EGF: variants seen among roughly 807,000 people sequenced by gnomAD.
EGF encodes the protein epidermal growth factor.
A neutral mutation model predicts 143.8 loss-of-function variants in EGF; 95 were observed. The ratio of observed to expected loss-of-function variants is 0.66; its 90% CI spans 0.56 to 0.78. The LOEUF (loss-of-function observed/expected upper bound fraction) is 0.78, where lower values mean the gene tolerates loss of function less well. EGF is among the 30% of genes least tolerant of loss of function. The probability of loss-of-function intolerance (pLI) is 0.00; values close to 1 mark genes in which losing one functional copy is unlikely to be tolerated. For missense variants in EGF, 1,320 were observed against 1,470.9 expected (o/e 0.90, Z 1.68); for synonymous variants, 510 against 510.5 (o/e 1.00, Z 0.01).
At chr4:109,914,732 A>T (rs1736307416) in intron 1 of EGF, among the ~76,000 whole-genome samples, 1 of 152,220 alleles carries the variant, frequency 6.6e-6, no homozygotes, top group Non-Finnish European at 1.5e-5. Flanking sequence ...CCTAGAGAAC[A>T]GCAACAAAAA....
At chr4:109,974,075 A>C (rs1748092385) in intron 11 of EGF, among the ~76,000 whole-genome samples, 1 of 152,230 alleles carries the variant, frequency 6.6e-6, no homozygotes, top group African/African-American at 2.4e-5. Flanking sequence ...TAGCATTTAC[A>C]TTACATGAGG....
At chr4:110,007,755 C>CGT (rs1189321490) in intron 22 of EGF, among the ~76,000 whole-genome samples, 3 of 151,832 alleles carry the variant, frequency 2.0e-5, no homozygotes, top group African/African-American at 4.8e-5. Context: ...TGTGTGTGTG[C>CGT]GTGTGTGTGT....
chr4:109,919,186 T>C (rs573366086), intron 1 of EGF, among the ~76,000 whole-genome samples: 1 of 152,298 alleles, frequency 6.6e-6, no homozygotes, highest in African/African-American at 2.4e-5. Context: ...GATTTCAAAG[T>C]AATCATTTTT....
At chr4:109,979,085 C>T (rs1748927855) in intron 13 of EGF, among the ~76,000 whole-genome samples, 1 of 152,202 alleles carries the variant, frequency 6.6e-6, no homozygotes, top group African/African-American at 2.4e-5. Flanking sequence ...TGCATGCCTT[C>T]TCAGAGCAGT....
At chr4:109,922,149 T>C (rs1381511377) in intron 1 of EGF, among the ~76,000 whole-genome samples, 1 of 151,704 alleles carries the variant, frequency 6.6e-6, no homozygotes, top group African/African-American at 2.4e-5. Flanking sequence ...TTACCCACTA[T>C]ATCTTTTAGA....
chr4:109,999,223 A>G (rs943221223), intron 20 of EGF, among the ~76,000 whole-genome samples: 6 of 152,088 alleles, frequency 3.9e-5, no homozygotes, highest in African/African-American at 1.4e-4. Flanking sequence ...AACTGTACAC[A>G]TTCTTCTTTT....
intron 5 of EGF, among the ~76,000 whole-genome samples, chr4:109,950,400 A>G (rs894802081): frequency 6.6e-6 from 1 of 151,934 alleles, no homozygotes; most frequent in South Asian, 2.1e-4. Context: ...TTATGATCTA[A>G]CCACTCTGCC....
chr4:109,996,222 T>C (rs1751774164), intron 20 of EGF, among the ~76,000 whole-genome samples: 1 of 152,218 alleles, frequency 6.6e-6, no homozygotes, highest in African/African-American at 2.4e-5. Flanking sequence ...TAGAACAATG[T>C]TTTCATTTGG....
At chr4:109,991,132 C>T (rs1750872072) in intron 18 of EGF, among the ~76,000 whole-genome samples, 1 of 152,118 alleles carries the variant, frequency 6.6e-6, no homozygotes, top group African/African-American at 2.4e-5. Flanking sequence ...CTACTAACCA[C>T]ATTACAACTG....
At position 110,012,828 on chromosome 4, in the gene EGF, G is replaced by C. The variant is rs552893790; in HGVS notation, c.*1373G>C. On this transcript the variant is annotated 3_prime_UTR_variant, in exon 24 of 24. Coordinates refer to ENST00000265171, the MANE Select transcript of EGF (RefSeq NM_001963.6). ...ATTGTTACTACAGATAACACAACCT[G>C]ATATGGTAACTTTAAATTTTGGGGG... Among the ~76,000 whole-genome samples the C allele has an allele frequency of 6.6e-6, 1 of 152,270 alleles. No homozygotes were observed. The highest frequency in any genetic ancestry group is 2.4e-5 in the African/African-American group (1 of 41,560).
chr4:110,004,231 CACACACACACACACACACACAA>C, intron 21 of EGF: 1 of 461,892 alleles, frequency 2.2e-6, no homozygotes. Context: ...CACACACACA[CACACACACACACACACACACAA>C]ACACACACAC....
chr4:109,964,297 G>A (rs1395110468), intron 9 of EGF, 104 bp from the exon 10 acceptor site: 7 of 1,518,074 alleles, frequency 4.6e-6, no homozygotes, highest in Non-Finnish European at 5.5e-6. Context: ...AACAAGTACT[G>A]TAGAAATTGG....
chr4:109,984,284 A>G (rs921047181), intron 16 of EGF, among the ~76,000 whole-genome samples: 1 of 151,664 alleles, frequency 6.6e-6, no homozygotes, highest in Non-Finnish European at 1.5e-5. Context: ...ACTCCACATT[A>G]GGACTTTTAA....
At chr4:109,954,900 T>G (rs1359550379) in intron 5 of EGF, among the ~76,000 whole-genome samples, 1 of 152,210 alleles carries the variant, frequency 6.6e-6, no homozygotes, top group African/African-American at 2.4e-5. Context: ...TCTGCATAGC[T>G]CAAGGGCTTG....
chr4:109,998,635 A>C (rs1007729189), intron 20 of EGF, among the ~76,000 whole-genome samples: 1 of 152,244 alleles, frequency 6.6e-6, no homozygotes, highest in African/African-American at 2.4e-5. Flanking sequence ...TGAGTTGCCC[A>C]GTCCCTCTGA....
At chr4:109,938,783 C>A (rs762153580) in intron 1 of EGF, among the ~76,000 whole-genome samples, 2 of 152,218 alleles carry the variant, frequency 1.3e-5, no homozygotes, top group Non-Finnish European at 2.9e-5. Context: ...CACTCAGCTG[C>A]AGATCTGTTG....
chr4:109,993,685 G>T (rs1053086563), intron 19 of EGF, among the ~76,000 whole-genome samples: 10 of 148,284 alleles, frequency 6.7e-5, no homozygotes, highest in Non-Finnish European at 1.2e-4. Context: ...GATAAGTTTT[G>T]CAGGGCTAGG....
At position 110,011,264 on chromosome 4, in the gene EGF, G is replaced by T. The variant is rs1753962961; in HGVS notation, c.3433G>T (p.Gly1145Cys). The part of the protein sequence containing the change: ...PQLCGMGTEQ[G>C]CWIPVSSDKG... ...GTTATGTGGAATGGGCACAGAGCAA[G>T]GCTGCTGGATTCCAGTATCCAGTGA... Residue 1145 changes from glycine to cysteine, a missense_variant, in exon 24 of 24, where the codon GGC becomes TGC. Physicochemically the swap from Gly to Cys is radical, Grantham distance 159. This residue lies in a region of EGF where 1,186 missense variants were observed against 1,313.7 expected (regional missense o/e 0.90). Coordinates refer to ENST00000265171, the MANE Select transcript of EGF (RefSeq NM_001963.6). The T allele has an allele frequency of 6.2e-7, 1 of 1,614,058 alleles. No individual in the cohort carries two copies. The highest frequency in any genetic ancestry group is 8.5e-7 in the Non-Finnish European group (1 of 1,180,028).
At chr4:109,975,146 T>C (rs763129224) in intron 12 of EGF, among the ~76,000 whole-genome samples, 1 of 152,236 alleles carries the variant, frequency 6.6e-6, no homozygotes, top group Non-Finnish European at 1.5e-5. Flanking sequence ...ACTTATAGAT[T>C]CTGTTTAGAA....
Sources: gnomAD v4.1 joint callset for allele counts (sites outside exome capture counted in the v4.1 genomes callset) on GRCh38, gnomAD v4.1.1 for gene constraint, gnomAD v4.1.1 regional missense constraint, MANE v1.5 for transcripts, NCBI Gene and HGNC (gene_info 2026-07-23, HGNC 2026-07-21) for gene names.